GNG2: variants seen among roughly 807,000 people sequenced by gnomAD.
The protein encoded by GNG2 is G protein subunit gamma 2, also known as guanine nucleotide-binding protein G(I)/G(S)/G(O) subunit gamma-2.
A neutral mutation model predicts 5.5 loss-of-function variants in GNG2; 5 were observed. That is an observed-to-expected ratio of 0.91 (90% CI 0.48 to 1.92). The LOEUF is 1.92. GNG2 is among the 30% of genes most tolerant of loss of function. GNG2 has a pLI of 0.01. For synonymous variants in GNG2, 28 were observed against 32.0 expected (o/e 0.88, Z 0.42); for missense variants, 55 against 88.4 (o/e 0.62, Z 1.52).
At chr14:51,859,173 T>A (rs1181223651), upstream of GNG2, among the ~76,000 whole-genome samples, 6 of 152,198 alleles carry the variant, frequency 3.9e-5, no homozygotes, top group African/African-American at 1.4e-4. Flanking sequence ...CCTGGCAAGA[T>A]TAGCTTTCCA....
At chr14:51,884,342 C>G (rs958649786) in intron 2 of GNG2, among the ~76,000 whole-genome samples, 6 of 152,194 alleles carry the variant, frequency 3.9e-5, no homozygotes, top group African/African-American at 1.4e-4. Flanking sequence ...ATATGCGGAA[C>G]TTAAGTAATA....
chr14:51,896,989 A>C (rs746587074), intron 2 of GNG2, among the ~76,000 whole-genome samples: 6 of 152,222 alleles, frequency 3.9e-5, no homozygotes, highest in Admixed American at 6.5e-5. Flanking sequence ...TAATAAAGTG[A>C]GTAAAGGAGG....
At chr14:51,948,858 A>G (rs955595111) in intron 2 of GNG2, among the ~76,000 whole-genome samples, 1 of 152,156 alleles carries the variant, frequency 6.6e-6, no homozygotes, top group Non-Finnish European at 1.5e-5. Context: ...GTGGTGGCTC[A>G]TGCCTGTAAT....
At chr14:51,864,082 A>G (rs531311029) in intron 1 of GNG2, among the ~76,000 whole-genome samples, 3 of 152,322 alleles carry the variant, frequency 2.0e-5, no homozygotes, top group South Asian at 2.1e-4. Context: ...AAGAATTGCC[A>G]TACTGTTTTC....
chr14:51,903,610 C>G (rs1885706709), intron 2 of GNG2, among the ~76,000 whole-genome samples: 1 of 152,186 alleles, frequency 6.6e-6, no homozygotes, highest in East Asian at 1.9e-4. Context: ...ACACACAGTT[C>G]CAGACCTCTA....
upstream of GNG2, among the ~76,000 whole-genome samples, chr14:51,858,162 GC>G (rs1882247978): frequency 6.6e-6 from 1 of 152,062 alleles, no homozygotes; most frequent in African/African-American, 2.4e-5. Flanking sequence ...TTAACACTTT[GC>G]AAACTTGGTA....
At chr14:51,963,915 T>A (rs565162180) in intron 3 of GNG2, among the ~76,000 whole-genome samples, 1 of 152,362 alleles carries the variant, frequency 6.6e-6, no homozygotes, top group African/African-American at 2.4e-5. Context: ...AAAGTGAGAC[T>A]GATTTTTACA....
intron 2 of GNG2, 79 bp from the exon 3 acceptor site, chr14:51,950,571 T>TCC: frequency 1.2e-6 from 1 of 847,584 alleles, no homozygotes; most frequent in Non-Finnish European, 1.9e-6. Flanking sequence ...TGCTTTGAGA[T>TCC]CCCCTAGTTA....
At chr14:51,880,982 A>AC (rs1241670511) in intron 2 of GNG2, among the ~76,000 whole-genome samples, 14 of 150,854 alleles carry the variant, frequency 9.3e-5, no homozygotes, top group African/African-American at 2.7e-4. Context: ...AAAAAAAAAA[A>AC]AAAAAACCCT....
At chr14:51,942,589 C>CTTTCTTTCTTTCTTTTTTTTTTTT (rs761049973) in intron 2 of GNG2, among the ~76,000 whole-genome samples, 1 of 81,146 alleles carries the variant, frequency 1.2e-5, no homozygotes, top group Non-Finnish European at 2.3e-5. Context: ...TTCTTTCTTT[C>CTTTCTTTCTTTCTTTTTTTTTTTT]TTTTTTTTTT....
At chr14:51,861,795 C>A (rs773332464) in intron 1 of GNG2, among the ~76,000 whole-genome samples, 1 of 152,122 alleles carries the variant, frequency 6.6e-6, no homozygotes, top group African/African-American at 2.4e-5. Context: ...GAGTTTAATA[C>A]CCTCATGCAG....
chr14:51,861,280 G>A (rs1011797282), intron 1 of GNG2: 4 of 152,162 alleles, frequency 2.6e-5, no homozygotes, highest in African/African-American at 7.2e-5. Context: ...GCCAACAAAG[G>A]CTTGAATTGC....
At chr14:51,954,925 T>G (rs780963544) in intron 3 of GNG2, among the ~76,000 whole-genome samples, 4 of 152,112 alleles carry the variant, frequency 2.6e-5, no homozygotes, top group Admixed American at 6.6e-5. Context: ...TTCAATCAAC[T>G]GACATTCAAA....
chr14:51,905,184 C>T (rs1042998321), intron 2 of GNG2, among the ~76,000 whole-genome samples: 3 of 152,096 alleles, frequency 2.0e-5, no homozygotes, highest in African/African-American at 4.8e-5. Flanking sequence ...TAGTTTGTCC[C>T]AAATAACTAT....
At chr14:51,940,874 T>G (rs1321100155) in intron 2 of GNG2, among the ~76,000 whole-genome samples, 2 of 152,196 alleles carry the variant, frequency 1.3e-5, no homozygotes, top group Non-Finnish European at 2.9e-5. Context: ...CAGGCCGATA[T>G]TTTGCAATTA....
Position 51,951,530 on chromosome 14 carries a change from GC to G in GNG2, c.87+767del, listed in dbSNP as rs765136042. 7.9e-5 allele frequency among the ~76,000 whole-genome samples: 12 copies of G among 152,294 alleles called. No individual in the cohort carries two copies. The South Asian group carries it at 2.1e-3, about 26-fold the overall frequency. On this transcript the variant is annotated intron_variant, in intron 3 of 3. Transcript: ENST00000556766. Reference sequence around the variant, plus strand: ...AACTTTACTGCCCCAGAAGTAAAATGCCTTACCCAAGAATTCTATGAAATGC... The same window carrying G: ...AACTTTACTGCCCCAGAAGTAAAATGCTTACCCAAGAATTCTATGAAATGC...
chr14:51,876,926 A>G (rs1883713972), intron 1 of GNG2, among the ~76,000 whole-genome samples: 1 of 152,210 alleles, frequency 6.6e-6, no homozygotes, highest in Non-Finnish European at 1.5e-5. Context: ...CTTTGAGCTG[A>G]GTGCTCTAAA....
At chr14:51,921,937 C>A (rs1015649980) in intron 2 of GNG2, among the ~76,000 whole-genome samples, 1 of 152,186 alleles carries the variant, frequency 6.6e-6, no homozygotes, top group African/African-American at 2.4e-5. Context: ...CTCTTCATTT[C>A]TTAATACACC....
At chr14:51,888,090 C>T (rs1406143480) in intron 2 of GNG2, among the ~76,000 whole-genome samples, 1 of 152,064 alleles carries the variant, frequency 6.6e-6, no homozygotes, top group Non-Finnish European at 1.5e-5. Flanking sequence ...CCATCATCAC[C>T]AACAAGATAA....
Sources: allele counts gnomAD v4.1 joint callset (sites outside exome capture counted in the v4.1 genomes callset), GRCh38; gene constraint gnomAD v4.1.1; transcripts MANE v1.5; gene names NCBI Gene and HGNC (gene_info 2026-07-23, HGNC 2026-07-21).